Variants in RAI14 observed in about 807,000 individuals in gnomAD.
RAI14 encodes retinoic acid induced 14, also known as ankycorbin.
In RAI14, 45 loss-of-function variants were observed where a neutral mutation model predicts 115.4. The ratio of observed to expected loss-of-function variants is 0.39; its 90% CI spans 0.31 to 0.50. RAI14 has a LOEUF of 0.50. RAI14 is among the 20% of genes least tolerant of loss of function. The pLI is 0.85. For missense variants in RAI14, 939 were observed against 1,131.2 expected, an observed-to-expected ratio of 0.83 and a Z score of 2.44; for synonymous variants, 371 against 415.4, an observed-to-expected ratio of 0.89 and a Z score of 1.30.
chr5:34,769,463 A>G (rs1049129335), intron 3 of RAI14, among the ~76,000 whole-genome samples: 2 of 152,124 alleles, frequency 1.3e-5, no homozygotes, highest in African/African-American at 4.8e-5. Flanking sequence ...TTTTAATCCT[A>G]TTGTTAGGAT....
chr5:34,764,917 T>C (rs559645080), intron 3 of RAI14, among the ~76,000 whole-genome samples: 75 of 152,284 alleles, frequency 4.9e-4, no homozygotes, highest in Admixed American at 2.0e-3. Context: ...CCATGTGTTG[T>C]GGGAGGGACC....
chr5:34,733,897 AG>A (rs1744512107), intron 2 of RAI14, among the ~76,000 whole-genome samples: 1 of 152,128 alleles, frequency 6.6e-6, no homozygotes, highest in Non-Finnish European at 1.5e-5. Context: ...CTACTACTGC[AG>A]GGGTCCTCTC....
At position 34,709,215 on chromosome 5, in the gene RAI14, A is replaced by C. The variant is rs1249038354; in HGVS notation, c.36+22260A>C. Among the ~76,000 whole-genome samples, 4 of 152,106 alleles carry C rather than the reference A, an allele frequency of 2.6e-5. No individual in the cohort carries two copies. In the East Asian group the frequency reaches 7.7e-4, roughly 29 times the overall value. On this transcript the variant is annotated intron_variant, in intron 2 of 17. Coordinates refer to ENST00000265109, the MANE Select transcript of RAI14 (RefSeq NM_015577.3). Reference sequence around the variant, plus strand: ...GTAATCCCAGCAATTTGGGAGGCCAAGGTGGGCAGATCACCTGAGGCCAGG... The same window carrying C: ...GTAATCCCAGCAATTTGGGAGGCCACGGTGGGCAGATCACCTGAGGCCAGG...
chr5:34,688,334 C>G, intron 2 of RAI14: 1 of 1,322,440 alleles, frequency 7.6e-7, no homozygotes, highest in Non-Finnish European at 1.1e-6. Flanking sequence ...TTTTCTATTC[C>G]AAGGGAATCT....
Position 34,814,635 on chromosome 5 carries a change from A to G in RAI14, c.905A>G (p.Lys302Arg), listed in dbSNP as rs754627265. The change falls in exon 12 of 18, where the codon AAG (lysine) becomes AGG (arginine). Residue 302 changes from lysine (K) to arginine (R), a missense_variant. By Grantham distance (26) the Lys-to-Arg change is conservative. Coordinates refer to ENST00000265109, the MANE Select transcript of RAI14 (RefSeq NM_015577.3). Reference sequence around the variant, plus strand: ...ATAACTTCGACTCCACTATCGGGAAAGGAATCGGTATTTTTTGCTGAACCA... The same window carrying G: ...ATAACTTCGACTCCACTATCGGGAAGGGAATCGGTATTTTTTGCTGAACCA... ...RSITSTPLSG[K>R]ESVFFAEPPF... 3 of 1,613,606 alleles carry G rather than the reference A, an allele frequency of 1.9e-6. No homozygotes were observed. The highest frequency in any genetic ancestry group is 2.5e-6 in the Non-Finnish European group (3 of 1,179,610).
At chr5:34,704,330 G>A (rs773711769) in intron 2 of RAI14, among the ~76,000 whole-genome samples, 23 of 152,114 alleles carry the variant, frequency 1.5e-4, no homozygotes, top group Admixed American at 2.6e-4. Context: ...GAACACTTCC[G>A]TCCGGGTACT....
rs527415592 is a variant in RAI14, at chr5:34,757,144, C to T, written c.37-324C>T. On this transcript the variant is annotated intron_variant, in intron 2 of 17. Transcript: ENST00000265109. Reference sequence around the variant, plus strand: ...GCTGAGGAGCAGCTGTCTAGTTCAGCGAGAAATTAGCTAATGTGTAAACTG... The same window carrying T: ...GCTGAGGAGCAGCTGTCTAGTTCAGTGAGAAATTAGCTAATGTGTAAACTG... 6.6e-5 allele frequency among the ~76,000 whole-genome samples: 10 copies of T among 152,262 alleles called. No homozygotes were observed. The South Asian group carries it at 8.3e-4, about 13-fold the overall frequency.
At chr5:34,758,515 A>G (rs1748198046) in intron 3 of RAI14, among the ~76,000 whole-genome samples, 1 of 152,114 alleles carries the variant, frequency 6.6e-6, no homozygotes, top group Admixed American at 6.5e-5. Flanking sequence ...AGAAACCTCT[A>G]TTTTTAAGGT....
chr5:34,714,871 CAA>C (rs1179736399), intron 2 of RAI14, among the ~76,000 whole-genome samples: 1 of 152,136 alleles, frequency 6.6e-6, no homozygotes, highest in Non-Finnish European at 1.5e-5. Flanking sequence ...CTCTAGCCAT[CAA>C]AGTGGACAAG....
chr5:34,676,568 C>T (rs547401397), intron 1 of RAI14, among the ~76,000 whole-genome samples: 1 of 152,198 alleles, frequency 6.6e-6, no homozygotes, highest in Admixed American at 6.5e-5. Context: ...GCATGTGAGT[C>T]GTGGATTTGA....
intron 3 of RAI14, among the ~76,000 whole-genome samples, chr5:34,787,870 GT>G (rs1204686933): frequency 9.0e-6 from 1 of 110,934 alleles, no homozygotes; most frequent in Non-Finnish European, 1.9e-5. Flanking sequence ...TTATTACAGG[GT>G]TTCTTAACCT....
intron 3 of RAI14, among the ~76,000 whole-genome samples, chr5:34,759,761 C>T (rs997901249): frequency 6.6e-6 from 1 of 152,060 alleles, no homozygotes; most frequent in Non-Finnish European, 1.5e-5. Flanking sequence ...CAAAACCATC[C>T]CCCGTACCTG....
intron 3 of RAI14, among the ~76,000 whole-genome samples, chr5:34,781,228 G>T (rs10053295): frequency 0.14 from 17,511 of 127,508 alleles, 1,048 homozygotes; most frequent in Middle Eastern, 0.21. Context: ...GTCGTGGGGT[G>T]GGGGGAGGGG....
At chr5:34,700,670 T>C (rs952331137) in intron 2 of RAI14, among the ~76,000 whole-genome samples, 1 of 152,262 alleles carries the variant, frequency 6.6e-6, no homozygotes, top group Admixed American at 6.5e-5. Context: ...GTGTTTCCTT[T>C]AGGATGCTCT....
At chr5:34,738,591 TGACATAC>T (rs1745142681) in intron 2 of RAI14, among the ~76,000 whole-genome samples, 1 of 152,316 alleles carries the variant, frequency 6.6e-6, no homozygotes, top group South Asian at 2.1e-4. Flanking sequence ...CAGGTAGACT[TGACATAC>T]CCTCACCATC....
chr5:34,719,159 A>G (rs1742349608), intron 2 of RAI14, among the ~76,000 whole-genome samples: 3 of 146,614 alleles, frequency 2.0e-5, no homozygotes, highest in Admixed American at 1.4e-4. Flanking sequence ...ATGGGGGCTA[A>G]TTACCTGGTG....
At chr5:34,807,961 T>C in intron 6 of RAI14, 104 bp downstream of exon 6, 1 of 906,974 alleles carries the variant, frequency 1.1e-6, no homozygotes, top group Non-Finnish European at 1.8e-6. Context: ...TGGTGCTCTT[T>C]TCTGTCATCA....
intron 2 of RAI14, among the ~76,000 whole-genome samples, chr5:34,733,901 G>A (rs763673229): frequency 6.6e-6 from 1 of 152,150 alleles, no homozygotes; most frequent in Non-Finnish European, 1.5e-5. Context: ...TACTGCAGGG[G>A]TCCTCTCCCC....
intron 3 of RAI14, among the ~76,000 whole-genome samples, chr5:34,783,273 G>T (rs1751885762): frequency 6.6e-6 from 1 of 152,166 alleles, no homozygotes; most frequent in South Asian, 2.1e-4. Flanking sequence ...TCCTCAAGTA[G>T]GTGGCTGTGT....
Sources: gnomAD v4.1 joint callset for allele counts (sites outside exome capture counted in the v4.1 genomes callset) on GRCh38, gnomAD v4.1.1 for gene constraint, MANE v1.5 for transcripts, NCBI Gene and HGNC (gene_info 2026-07-23, HGNC 2026-07-21) for gene names.